ABCA10: variants seen among roughly 807,000 people sequenced by gnomAD.
The protein encoded by ABCA10 is ATP binding cassette subfamily A member 10.
Under a neutral mutation model 187.5 loss-of-function variants are expected in ABCA10, and 169 were observed. The ratio of observed to expected loss-of-function variants is 0.90; its 90% confidence interval spans 0.80 to 1.02. ABCA10 has a LOEUF of 1.02. Among genes scored for constraint, ABCA10 ranks in the 50% least tolerant of loss-of-function variants. The probability of loss-of-function intolerance (pLI) is 0.00; values close to 1 mark genes in which losing one functional copy is unlikely to be tolerated. For synonymous variants in ABCA10, 574 were observed against 601.8 expected (o/e 0.95, Z 0.68); for missense variants, 1,727 against 1,812.4 (o/e 0.95, Z 0.86).
In ABCA10 at chr17:69,175,401, CTT is replaced by C. The variant is rs1376271260; in HGVS notation, c.2877+3_2877+4del. ...TCAATCTAATTTCCTCTCTCTCCCTCTTACTTTATAATCGCTGATGCTGCTCA... is the reference window on the plus strand; with the variant it reads ...TCAATCTAATTTCCTCTCTCTCCCTCACTTTATAATCGCTGATGCTGCTCA... On this transcript the variant is annotated splice_donor_region_variant and intron_variant, in intron 23 of 38. Transcript: ENST00000690296. The C allele has an allele frequency of 3.1e-6, 5 of 1,603,280 alleles. No individual in the cohort carries two copies. The South Asian group carries it at 5.6e-5, about 18-fold the overall frequency.
chr17:69,191,432 T>C, intron 16 of ABCA10, 117 bp from the exon 17 acceptor site: 2 of 1,071,604 alleles, frequency 1.9e-6, no homozygotes, highest in Non-Finnish European at 2.4e-6. Flanking sequence ...TACTTAACTC[T>C]AGTAATTGGT....
At chr17:69,161,015 AGAAT>A (rs2074213584) in intron 27 of ABCA10, among the ~76,000 whole-genome samples, 3 of 152,342 alleles carry the variant, frequency 2.0e-5, no homozygotes, top group African/African-American at 7.2e-5. Context: ...GTTTATTGAC[AGAAT>A]GAATAGATTT....
Position 69,185,645 on chromosome 17 carries a change from T to A in ABCA10, c.2331-2A>T. On this transcript the variant is annotated splice_acceptor_variant, in intron 19 of 38. Coordinates refer to ENST00000690296, the MANE Select transcript of ABCA10 (RefSeq NM_001377321.1). LOFTEE classifies it high-confidence loss of function. ...AAAGCAATTCCAAGTACTAGTAACCTAAGTAAAACAAAATTATAACATGAG... is the reference window on the plus strand; with the variant it reads ...AAAGCAATTCCAAGTACTAGTAACCAAAGTAAAACAAAATTATAACATGAG... 3 of 1,579,166 alleles carry A rather than the reference T, an allele frequency of 1.9e-6. No homozygotes were observed. Among genetic ancestry groups the A allele is most frequent in the Middle Eastern group, 1.8e-4 (1 of 5,624 alleles).
At chr17:69,239,812 T>C (rs970295944) in intron 1 of ABCA10, among the ~76,000 whole-genome samples, 7 of 152,226 alleles carry the variant, frequency 4.6e-5, no homozygotes, top group South Asian at 4.1e-4. Context: ...TATAGTGACG[T>C]TGGCGTGCCC....
At chr17:69,187,614 ACTTT>A in intron 19 of ABCA10, 63 bp downstream of exon 19, 1 of 1,435,424 alleles carries the variant, frequency 7.0e-7, no homozygotes, top group Non-Finnish European at 9.4e-7. Flanking sequence ...TAATATATTT[ACTTT>A]CTTAATATTT....
chr17:69,229,859 G>A (rs1461824176), upstream of ABCA10, among the ~76,000 whole-genome samples: 3 of 151,836 alleles, frequency 2.0e-5, no homozygotes, highest in African/African-American at 7.3e-5. Flanking sequence ...CACTTAAATG[G>A]GTGGGGAAAA....
In ABCA10 at chr17:69,182,672, T is replaced by C. The variant is rs111968521; in HGVS notation, c.2631+3A>G. On this transcript the variant is annotated splice_donor_region_variant and intron_variant, in intron 21 of 38. Coordinates refer to ENST00000690296, the MANE Select transcript of ABCA10 (RefSeq NM_001377321.1). The stretch of plus-strand genomic sequence containing the variant: ...AAAAAACAGTGCATAGAAGCAAACA[T>C]ACCTTCTGGTCACCAGACACTATGA... 833 of 1,591,630 alleles carry C rather than the reference T, an allele frequency of 5.2e-4. 5 individuals carry two copies. The African/African-American group carries it at 9.8e-3, about 19-fold the overall frequency.
rs972247186 is a variant in ABCA10, at chr17:69,221,688, G to C, written c.303+104C>G. The stretch of plus-strand genomic sequence containing the variant: ...GTTTTCTCTGAGGATGACAGGCAAA[G>C]TATCACCTCCTAAGAGTGTAAGAGT... On this transcript the variant is annotated intron_variant, in intron 5 of 38. Coordinates refer to ENST00000690296, the MANE Select transcript of ABCA10 (RefSeq NM_001377321.1). 4.0e-6 allele frequency: 4 copies of C among 1,002,202 alleles called. No homozygotes were observed. The Admixed American group carries it at 9.5e-5, about 24-fold the overall frequency. The allele number at this position is 1,002,202 out of a possible 1,614,324, so 62.1% of individuals were successfully genotyped here.
Position 69,182,413 on chromosome 17 carries a change from T to C in ABCA10, c.2632-123A>G, listed in dbSNP as rs2074386834. 1.2e-5 allele frequency: 12 copies of C among 1,005,092 alleles called. No homozygotes were observed. In the South Asian group the frequency reaches 3.9e-4, roughly 32 times the overall value. 62.3% of individuals were successfully genotyped at this position (1,005,092 alleles called of 1,614,324 possible). On this transcript the variant is annotated intron_variant, in intron 21 of 38. Coordinates refer to ENST00000690296, the MANE Select transcript of ABCA10 (RefSeq NM_001377321.1). Reference sequence around the variant, plus strand: ...GAGACTATTAATTTTTCTTTGACACTTCTGCCTTCTTTGAATTGGTACAAG... The same window carrying C: ...GAGACTATTAATTTTTCTTTGACACCTCTGCCTTCTTTGAATTGGTACAAG...
At chr17:69,201,821 GT>G (rs1429181154) in intron 9 of ABCA10, among the ~76,000 whole-genome samples, 153 bp from the exon 10 acceptor site, 3 of 151,782 alleles carry the variant, frequency 2.0e-5, no homozygotes, top group Non-Finnish European at 2.9e-5. Context: ...GTCACGCTCT[GT>G]TGCCCAGGCA....
At chr17:69,198,110 C>T (rs1317714973) in intron 10 of ABCA10, among the ~76,000 whole-genome samples, 1 of 152,094 alleles carries the variant, frequency 6.6e-6, no homozygotes, top group Non-Finnish European at 1.5e-5. Flanking sequence ...CCTTTTTCAC[C>T]CCATCCTGTG....
chr17:69,241,391 T>C (rs1454384644), intron 1 of ABCA10, among the ~76,000 whole-genome samples: 1 of 152,212 alleles, frequency 6.6e-6, no homozygotes, highest in African/African-American at 2.4e-5. Context: ...TCCCCTCATA[T>C]CTGATTATTT....
rs149022866 is a variant in ABCA10, at chr17:69,193,801, T to C, written c.1521+13A>G. On this transcript the variant is annotated intron_variant, in intron 13 of 38. Coordinates refer to ENST00000690296, the MANE Select transcript of ABCA10 (RefSeq NM_001377321.1). ...TTATTTCCAAAGCCATCAATCTTAATGTGTTCCTGTACCTCTTGTTCCACT... is the reference window on the plus strand; with the variant it reads ...TTATTTCCAAAGCCATCAATCTTAACGTGTTCCTGTACCTCTTGTTCCACT... 2.0e-4 allele frequency: 323 copies of C among 1,607,774 alleles called. No individual in the cohort carries two copies. In the East Asian group the frequency reaches 7.2e-3, roughly 36 times the overall value.
At chr17:69,206,972 G>A (rs972119342) in intron 9 of ABCA10, among the ~76,000 whole-genome samples, 3 of 152,006 alleles carry the variant, frequency 2.0e-5, no homozygotes, top group African/African-American at 7.2e-5. Context: ...AATCAACAGA[G>A]TAATTAGAAA....
chr17:69,154,980 G>C (rs1240837420), intron 30 of ABCA10, 39 bp downstream of exon 30: 2 of 1,430,310 alleles, frequency 1.4e-6, no homozygotes, highest in Non-Finnish European at 1.9e-6. Flanking sequence ...AGAGAATAAG[G>C]AACATTATAA....
At chr17:69,208,537 T>C (rs186767909) in intron 9 of ABCA10, among the ~76,000 whole-genome samples, 41 of 151,828 alleles carry the variant, frequency 2.7e-4, no homozygotes, top group African/African-American at 9.2e-4. Flanking sequence ...TTTGGCAATA[T>C]ACAACTTATT....
rs1301732040 is a variant in ABCA10, at chr17:69,174,620, A to G, written c.3035T>C (p.Leu1012Pro). 3 of 1,598,438 alleles carry G rather than the reference A, an allele frequency of 1.9e-6. No homozygotes were observed. In the Admixed American group the frequency reaches 5.4e-5, roughly 29 times the overall value. ...ATGATCACTTACCAAAACAAACATG[A>G]GTTCCCATGAAAGCTGGAATCCCAG... is the stretch of plus-strand genomic sequence containing the variant. ...IFLGFQLSWE[L>P]MFVLVVCIIG... The change falls in exon 24 of 39, where the codon CTC (leucine) becomes CCC (proline). Residue 1012 changes from leucine to proline, a missense_variant. Leu to Pro is a moderately conservative substitution (Grantham distance 98). Coordinates refer to ENST00000690296, the MANE Select transcript of ABCA10 (RefSeq NM_001377321.1).
intron 5 of ABCA10, among the ~76,000 whole-genome samples, chr17:69,221,315 G>A (rs1416023013): frequency 6.6e-6 from 1 of 152,150 alleles, no homozygotes; most frequent in East Asian, 1.9e-4. Context: ...GTTGAGTTGA[G>A]TCAAAGGAGG....
At chr17:69,162,084 T>C (rs2074222437) in intron 27 of ABCA10, among the ~76,000 whole-genome samples, 2 of 152,296 alleles carry the variant, frequency 1.3e-5, no homozygotes, top group South Asian at 2.1e-4. Flanking sequence ...ATAATTCCGA[T>C]TGAAAAATTA....
Sources: allele counts gnomAD v4.1 joint callset (sites outside exome capture counted in the v4.1 genomes callset), GRCh38; gene constraint gnomAD v4.1.1; transcripts MANE v1.5; gene names NCBI Gene and HGNC (gene_info 2026-07-23, HGNC 2026-07-21).